Variants in CCNE2 observed in about 807,000 individuals in gnomAD.
CCNE2 encodes the protein cyclin E2, also known as G1/S-specific cyclin-E2.
A neutral mutation model predicts 56.8 loss-of-function variants in CCNE2; 18 were observed. The ratio of observed to expected loss-of-function variants is 0.32; its 90% CI spans 0.22 to 0.47. CCNE2 has a LOEUF of 0.47. Among genes scored for constraint, CCNE2 ranks in the 20% least tolerant of loss-of-function variants. CCNE2 has a pLI of 1.00. For synonymous variants in CCNE2, 139 were observed against 149.2 expected (o/e 0.93, Z 0.50); for missense variants, 371 against 467.1 (o/e 0.79, Z 1.90).
chr8:94,890,315 G>A, intron 6 of CCNE2, 100 bp downstream of exon 6: 1 of 982,746 alleles, frequency 1.0e-6, no homozygotes, highest in Non-Finnish European at 1.4e-6. Context: ...GCTTCCTGGG[G>A]ATGAACAATA....
upstream of CCNE2, chr8:94,896,375 T>G (rs1375251061): frequency 6.6e-6 from 1 of 151,564 alleles, no homozygotes; most frequent in Non-Finnish European, 1.5e-5. Context: ...CCCGACGCTC[T>G]TCCTTTATCC....
upstream of CCNE2, chr8:94,895,918 G>A: frequency 6.5e-6 from 1 of 153,276 alleles, no homozygotes; most frequent in Non-Finnish European, 1.4e-5. Context: ...TTTCCAGCCC[G>A]CCCACCCAGG....
At chr8:94,893,610 T>G in intron 4 of CCNE2, 1 of 395,918 alleles carries the variant, frequency 2.5e-6, no homozygotes, top group South Asian at 4.6e-5. Flanking sequence ...CAAAGAGCAG[T>G]ATATTGGACA....
At chr8:94,895,223 A>G (rs1357119998), upstream of CCNE2, 1 of 985,334 alleles carries the variant, frequency 1.0e-6, no homozygotes, top group Non-Finnish European at 1.2e-6. Flanking sequence ...GCGCCAACCC[A>G]ATATATAGGC....
Position 94,880,838 on chromosome 8 carries a change from T to C in CCNE2, c.*794A>G, listed in dbSNP as rs1337205824. 1 of 398,440 alleles carries C rather than the reference T, an allele frequency of 2.5e-6. No homozygotes were observed. The highest frequency in any genetic ancestry group is 3.6e-5 in the East Asian group (1 of 28,002). The allele number at this position is 398,440 out of a possible 1,614,324, so 24.7% of individuals were successfully genotyped here. On this transcript the variant is annotated 3_prime_UTR_variant, in exon 12 of 12. Transcript: ENST00000308108. Reference sequence around the variant, plus strand: ...TCATATAAATAGTTTGAAAGGGTACTTAAGTTTTTCACCCAAATTGTGATA... The same window carrying C: ...TCATATAAATAGTTTGAAAGGGTACCTAAGTTTTTCACCCAAATTGTGATA...
chr8:94,882,855 T>G lies in CCNE2; in HGVS notation c.869A>C (p.Glu290Ala). 1 of 1,613,650 alleles carries G rather than the reference T, an allele frequency of 6.2e-7. No homozygotes were observed. Among genetic ancestry groups the G allele is most frequent in the South Asian group, 1.1e-5 (1 of 91,080 alleles). ...AGCAGTCAGTATTCTGTACTGGAAC[T>G]CTAATGAATCAATGGCTAGAATACA... is the stretch of plus-strand genomic sequence containing the variant. ...DLCILAIDSL[E>A]FQYRILTAAA... Residue 290 changes from glutamate to alanine, a missense_variant, in exon 10 of 12, where the codon GAG becomes GCG. Coordinates refer to ENST00000308108, the MANE Select transcript of CCNE2 (RefSeq NM_057749.3).
At position 94,882,125 on chromosome 8, in the gene CCNE2, A is replaced by C; in HGVS notation, c.1101+7T>G. On this transcript the variant is annotated splice_region_variant and intron_variant, in intron 11 of 11. Coordinates refer to ENST00000308108, the MANE Select transcript of CCNE2 (RefSeq NM_057749.3). Reference sequence around the variant, plus strand: ...AGCAAAGCCAAAAAACTCACAAAAAAACATACCAGCATAGCCAAATAGTTT... The same window carrying C: ...AGCAAAGCCAAAAAACTCACAAAAACACATACCAGCATAGCCAAATAGTTT... 6.3e-7 allele frequency: 1 copy of C among 1,592,278 alleles called. No individual in the cohort carries two copies. Among genetic ancestry groups the C allele is most frequent in the Non-Finnish European group, 8.5e-7 (1 of 1,171,612 alleles).
At chr8:94,885,624 C>G in intron 7 of CCNE2, 66 bp from the exon 8 acceptor site, 3 of 961,374 alleles carry the variant, frequency 3.1e-6, no homozygotes, top group Admixed American at 4.3e-5. Context: ...GTTCCTCAGT[C>G]TACAATGGGG....
At chr8:94,887,851 T>C in intron 7 of CCNE2, 76 bp downstream of exon 7, 1 of 951,980 alleles carries the variant, frequency 1.1e-6, no homozygotes, top group Non-Finnish European at 1.6e-6. Context: ...AAACATAGTA[T>C]TCTTTGGGAT....
rs1817361353 is a variant in CCNE2 at position 94,894,190 on chromosome 8, T to C, written c.14+18A>G. ...CAGCAACTAATTTGAAACATGTCTC[T>C]AAGACAGATAATGTTACCTTCGTCT... On this transcript the variant is annotated intron_variant, in intron 2 of 11. Coordinates refer to ENST00000308108, the MANE Select transcript of CCNE2 (RefSeq NM_057749.3). 1 of 1,613,984 alleles carries C rather than the reference T, an allele frequency of 6.2e-7. No individual in the cohort carries two copies. The highest frequency in any genetic ancestry group is 8.5e-7 in the Non-Finnish European group (1 of 1,179,810).
intron 11 of CCNE2, 68 bp downstream of exon 11, chr8:94,882,064 C>T: frequency 4.1e-6 from 6 of 1,458,782 alleles, no homozygotes; most frequent in East Asian, 4.6e-5. Flanking sequence ...GTACTCTATT[C>T]CTACCATCAG....
chr8:94,893,121 T>G (rs1045409067), intron 4 of CCNE2, 152 bp from the exon 5 acceptor site: 2 of 600,646 alleles, frequency 3.3e-6, no homozygotes, highest in African/African-American at 2.0e-5. Flanking sequence ...TCACATTTTA[T>G]AAACAAGCCA....
chr8:94,883,060 G>A (rs909336506), intron 9 of CCNE2, among the ~76,000 whole-genome samples, 168 bp from the exon 10 acceptor site: 1 of 152,076 alleles, frequency 6.6e-6, no homozygotes, highest in African/African-American at 2.4e-5. Context: ...TGGATCACAA[G>A]GTCACGAGAT....
intron 2 of CCNE2, 31 bp from the exon 3 acceptor site, chr8:94,894,150 T>G: frequency 1.2e-6 from 2 of 1,613,624 alleles, no homozygotes; most frequent in East Asian, 2.2e-5. Flanking sequence ...GGAAGTGTAA[T>G]TAGTAAGTTA....
chr8:94,886,400 C>T (rs935494468), intron 7 of CCNE2, among the ~76,000 whole-genome samples: 2 of 151,450 alleles, frequency 1.3e-5, no homozygotes, highest in Admixed American at 6.6e-5. Context: ...TATGGTTAGT[C>T]AGATCAAAAG....
intron 5 of CCNE2, chr8:94,892,162 C>A: frequency 2.0e-6 from 1 of 505,070 alleles, no homozygotes; most frequent in Admixed American, 2.4e-5. Context: ...TTCTCAAGAG[C>A]AATACAAAAA....
In CCNE2 at chr8:94,880,235, G is replaced by A. The variant is rs1399511197; in HGVS notation, c.*1397C>T. On this transcript the variant is annotated 3_prime_UTR_variant, in exon 12 of 12. Transcript: ENST00000308108. ...AGCAATGGCAAAACTTTACTTTTAA[G>A]CAGTTAAATTTTTTTAACTTTTATT... is the stretch of plus-strand genomic sequence containing the variant. The A allele has an allele frequency of 6.4e-7, 1 of 1,558,012 alleles. No homozygotes were observed. The highest frequency in any genetic ancestry group is 2.2e-5 in the East Asian group (1 of 44,492).
chr8:94,894,547 T>C, intron 1 of CCNE2: 1 of 348,022 alleles, frequency 2.9e-6, no homozygotes, highest in Non-Finnish European at 5.3e-6. Flanking sequence ...TTCTGGGTCC[T>C]CCACCCTCTC....
rs2131089988 is a variant in CCNE2 at position 94,880,416 on chromosome 8, A to C, written c.*1216T>G. On this transcript the variant is annotated 3_prime_UTR_variant, in exon 12 of 12. Transcript: ENST00000308108. ...AGAAGACTTCATACCGTAACAATAAATGTATAGTTTCTTCAAAGGGAGAAG... is the reference window on the plus strand; with the variant it reads ...AGAAGACTTCATACCGTAACAATAACTGTATAGTTTCTTCAAAGGGAGAAG... 1 of 388,864 alleles carries C rather than the reference A, an allele frequency of 2.6e-6. No individual in the cohort carries two copies. Among genetic ancestry groups the C allele is most frequent in the South Asian group, 7.2e-5 (1 of 13,966 alleles). The allele number at this position is 388,864 out of a possible 1,614,324, so 24.1% of individuals were successfully genotyped here. A position where few individuals can be genotyped will look rare whatever the true frequency, so the allele number is the denominator to read the frequency against.
Sources: gnomAD v4.1 joint callset for allele counts (sites outside exome capture counted in the v4.1 genomes callset) on GRCh38, gnomAD v4.1.1 for gene constraint, MANE v1.5 for transcripts, NCBI Gene and HGNC (gene_info 2026-07-23, HGNC 2026-07-21) for gene names.